Variants in ATG4A observed in about 807,000 individuals in gnomAD.
ATG4A encodes the protein autophagy related 4A cysteine peptidase, also known as cysteine protease ATG4A.
In ATG4A, 22 loss-of-function variants were observed where a neutral mutation model predicts 38.4. That is an observed-to-expected ratio of 0.57 (90% CI 0.41 to 0.82). The LOEUF (loss-of-function observed/expected upper bound fraction) is 0.82, where lower values mean the gene tolerates loss of function less well. Among genes scored for constraint, ATG4A ranks in the 40% least tolerant of loss-of-function variants. The pLI is 0.00. For missense variants in ATG4A, 220 were observed against 290.0 expected (o/e 0.76, Z 1.75); for synonymous variants, 86 against 100.7 (o/e 0.85, Z 0.88).
At chrX:108,124,737 T>C (rs768948109) in intron 1 of ATG4A, among the ~76,000 whole-genome samples, 1 of 112,436 alleles carries the variant, frequency 8.9e-6, no homozygotes, top group African/African-American at 3.2e-5. Flanking sequence ...AAAATATTTA[T>C]ATGATCAGAA....
At chrX:108,114,899 CTT>C (rs1446300459) in intron 1 of ATG4A, among the ~76,000 whole-genome samples, 2 of 111,651 alleles carry the variant, frequency 1.8e-5, no homozygotes, top group African/African-American at 6.5e-5. Flanking sequence ...TTTTAACAGA[CTT>C]AATGTATTTA....
chrX:108,146,204 G>A (rs1439972975), intron 9 of ATG4A, among the ~76,000 whole-genome samples: 1 of 111,823 alleles, frequency 8.9e-6, no homozygotes, highest in African/African-American at 3.3e-5. Flanking sequence ...GCTCAAGTCT[G>A]GAAATTGATT....
At chrX:108,126,836 A>G (rs1333493357) in intron 2 of ATG4A, 8 of 883,480 alleles carry the variant, frequency 9.1e-6, no homozygotes, top group Middle Eastern at 6.4e-4. Context: ...CTAACAGCCC[A>G]GCACCCAGAT....
chrX:108,141,649 G>A (rs911534613), intron 9 of ATG4A, among the ~76,000 whole-genome samples: 1 of 110,815 alleles, frequency 9.0e-6, no homozygotes, highest in African/African-American at 3.3e-5. Flanking sequence ...TAGAGAGAAG[G>A]AGATGTTGGT....
chrX:108,109,259 C>A (rs761725801), intron 1 of ATG4A, among the ~76,000 whole-genome samples: 1 of 112,340 alleles, frequency 8.9e-6, no homozygotes, highest in East Asian at 2.8e-4. Flanking sequence ...TGTTGAGCAT[C>A]TTTTTATATG....
chrX:108,151,434 AGTACCATTTGGCT>A (rs1348031138), intron 10 of ATG4A, among the ~76,000 whole-genome samples: 1 of 112,516 alleles, frequency 8.9e-6, no homozygotes, highest in Non-Finnish European at 1.9e-5. Flanking sequence ...TCTAGCTAAA[AGTACCATTTGGCT>A]TTTGTTTGTT....
chrX:108,134,216 T>G, intron 5 of ATG4A, 58 bp downstream of exon 5: 1 of 1,130,247 alleles, frequency 8.8e-7, no homozygotes, highest in East Asian at 3.0e-5. Context: ...TTCTCTTCCC[T>G]TGCCTTATAT....
At chrX:108,110,201 CAA>C (rs35962236) in intron 1 of ATG4A, among the ~76,000 whole-genome samples, 1 of 51,555 alleles carries the variant, frequency 1.9e-5, no homozygotes. Context: ...CCTGTCTCCA[CAA>C]AAAAAAAAAA....
intron 1 of ATG4A, among the ~76,000 whole-genome samples, chrX:108,117,867 C>T (rs1019832272): frequency 2.7e-5 from 3 of 112,226 alleles, no homozygotes; most frequent in Non-Finnish European, 5.6e-5. Flanking sequence ...TGTCTTTTCT[C>T]ACTGGAAATC....
chrX:108,138,275 C>G, intron 9 of ATG4A, 84 bp downstream of exon 9: 1 of 863,349 alleles, frequency 1.2e-6, no homozygotes, highest in South Asian at 2.1e-5. Context: ...CCAGGCAATT[C>G]CAGTTAGTGG....
chrX:108,142,243 C>T (rs1371407089), intron 9 of ATG4A, among the ~76,000 whole-genome samples: 1 of 110,420 alleles, frequency 9.1e-6, no homozygotes, highest in Non-Finnish European at 1.9e-5. Flanking sequence ...GCCGTCTATA[C>T]CAAAAATACA....
chrX:108,145,439 C>G (rs1165580747), intron 9 of ATG4A, among the ~76,000 whole-genome samples: 2 of 112,723 alleles, frequency 1.8e-5, no homozygotes, highest in Non-Finnish European at 3.7e-5. Context: ...AGCTGCATAC[C>G]AGGTACCAGG....
At chrX:108,089,241 T>C (rs1344049202), upstream of ATG4A, among the ~76,000 whole-genome samples, 2 of 111,914 alleles carry the variant, frequency 1.8e-5, no homozygotes, top group Non-Finnish European at 3.8e-5. Context: ...CAGTGCTTAT[T>C]ATCTCCATTT....
chrX:108,145,919 T>C (rs192127445), intron 9 of ATG4A, among the ~76,000 whole-genome samples: 8 of 111,866 alleles, frequency 7.2e-5, no homozygotes, highest in Non-Finnish European at 1.3e-4. Context: ...ATTAATTACC[T>C]GACTTACATA....
At chrX:108,097,239 A>C (rs1325979207) in intron 1 of ATG4A, among the ~76,000 whole-genome samples, 3 of 111,980 alleles carry the variant, frequency 2.7e-5, no homozygotes, top group South Asian at 3.7e-4. Flanking sequence ...TTCTACTCCA[A>C]AGTCCTACTA....
intron 1 of ATG4A, among the ~76,000 whole-genome samples, chrX:108,100,692 G>T (rs1298510667): frequency 1.8e-5 from 2 of 111,924 alleles, no homozygotes; most frequent in Admixed American, 1.9e-4. Flanking sequence ...TCTTCAGTTT[G>T]CTAATGCAGT....
chrX:108,120,238 G>A (rs750466151), intron 1 of ATG4A, among the ~76,000 whole-genome samples: 2 of 111,959 alleles, frequency 1.8e-5, no homozygotes, highest in African/African-American at 6.5e-5. Context: ...TTACAAAGGC[G>A]GCATCCTCTG....
intron 1 of ATG4A, among the ~76,000 whole-genome samples, chrX:108,122,011 C>T (rs1299863523): frequency 8.9e-6 from 1 of 111,857 alleles, no homozygotes; most frequent in African/African-American, 3.3e-5. Context: ...AATTGAAAGA[C>T]CTATAAGGAG....
At chrX:108,095,636 A>G (rs2031786513) in intron 1 of ATG4A, among the ~76,000 whole-genome samples, 1 of 110,772 alleles carries the variant, frequency 9.0e-6, no homozygotes, top group Admixed American at 9.5e-5. Flanking sequence ...GAGTGGCCGT[A>G]CCATTTTACC....
Sources: gnomAD v4.1 joint callset for allele counts (sites outside exome capture counted in the v4.1 genomes callset) on GRCh38, gnomAD v4.1.1 for gene constraint, MANE v1.5 for transcripts, NCBI Gene and HGNC (gene_info 2026-07-23, HGNC 2026-07-21) for gene names.